CBLB: variants seen among roughly 807,000 people sequenced by gnomAD.
The protein encoded by CBLB is Cbl proto-oncogene B, also known as E3 ubiquitin-protein ligase CBL-B.
Under a neutral mutation model 104.9 loss-of-function variants are expected in CBLB, and 31 were observed. The ratio of observed to expected loss-of-function variants is 0.30; its 90% CI spans 0.22 to 0.40. CBLB has a LOEUF of 0.40. Among genes scored for constraint, CBLB ranks in the 10% least tolerant of loss-of-function variants. The pLI is 1.00. For missense variants in CBLB, 1,062 were observed against 1,214.6 expected (o/e 0.87, Z 1.87); for synonymous variants, 440 against 422.6 (o/e 1.04, Z -0.51).
chr3:105,711,949 A>C (rs958784134), intron 10 of CBLB, among the ~76,000 whole-genome samples: 6 of 152,164 alleles, frequency 3.9e-5, no homozygotes, highest in Non-Finnish European at 5.9e-5. Context: ...ACCAAATGGA[A>C]TAAGAGCTGA....
At chr3:105,767,612 T>C (rs186260443) in intron 4 of CBLB, among the ~76,000 whole-genome samples, 2 of 150,014 alleles carry the variant, frequency 1.3e-5, no homozygotes, top group East Asian at 3.9e-4. Context: ...ACTTCCATCA[T>C]ACAAAGTCAA....
rs1200851467 is a variant in CBLB, at chr3:105,693,554, T to A, written c.1994A>T (p.Tyr665Phe). 6.2e-7 allele frequency: 1 copy of A among 1,612,552 alleles called. No individual in the cohort carries two copies. Among genetic ancestry groups the A allele is most frequent in the Non-Finnish European group, 8.5e-7 (1 of 1,178,792 alleles). Residue 665 changes from tyrosine (Y) to phenylalanine (F), a missense_variant, in exon 13 of 19, where the codon TAT (tyrosine) becomes TTT (phenylalanine). Coordinates refer to ENST00000394030, the MANE Select transcript of CBLB (RefSeq NM_170662.5). Reference sequence around the variant, plus strand: ...AGGAGAAAGCCGGGGAGGAACATCATATTCTTCACTTCCAAGGTGACCATT... The same window carrying A: ...AGGAGAAAGCCGGGGAGGAACATCAAATTCTTCACTTCCAAGGTGACCATT... ...FSNGHLGSEE[Y>F]DVPPRLSPPP...
chr3:105,662,387 A>T (rs901343323), intron 18 of CBLB, among the ~76,000 whole-genome samples: 11 of 152,210 alleles, frequency 7.2e-5, no homozygotes, highest in Admixed American at 2.6e-4. Context: ...AAATTTTATC[A>T]ACCCTGTGGA....
intron 10 of CBLB, among the ~76,000 whole-genome samples, chr3:105,708,157 T>G (rs1000068949): frequency 3.9e-5 from 6 of 152,088 alleles, no homozygotes. Flanking sequence ...TCCACAGTTC[T>G]AATCCCCAGC....
At chr3:105,732,357 A>G (rs1381646240) in intron 9 of CBLB, among the ~76,000 whole-genome samples, 2 of 152,252 alleles carry the variant, frequency 1.3e-5, no homozygotes, top group Non-Finnish European at 2.9e-5. Flanking sequence ...ATAGGAATCA[A>G]GTATCTATGT....
At chr3:105,694,422 T>C (rs1215734913) in intron 12 of CBLB, among the ~76,000 whole-genome samples, 1 of 151,966 alleles carries the variant, frequency 6.6e-6, no homozygotes, top group African/African-American at 2.4e-5. Flanking sequence ...CTATAAGCAA[T>C]CATTAGATTT....
At chr3:105,670,689 TG>T (rs2064975973) in intron 17 of CBLB, 1 of 253,082 alleles carries the variant, frequency 4.0e-6, no homozygotes, top group South Asian at 4.9e-5. Flanking sequence ...GTATAGAAAC[TG>T]TTCTAAAGTA....
At chr3:105,773,102 C>T (rs2079046158) in intron 4 of CBLB, among the ~76,000 whole-genome samples, 1 of 152,168 alleles carries the variant, frequency 6.6e-6, no homozygotes, top group Admixed American at 6.5e-5. Flanking sequence ...TTTATAGCAG[C>T]ATAATTTGCA....
intron 4 of CBLB, among the ~76,000 whole-genome samples, chr3:105,759,173 T>C (rs964196085): frequency 3.0e-4 from 46 of 151,920 alleles, no homozygotes; most frequent in South Asian, 8.3e-4. Flanking sequence ...TCCCAAGGAG[T>C]CAAAGAGACT....
intron 3 of CBLB, among the ~76,000 whole-genome samples, chr3:105,845,120 C>A (rs3862049): frequency 0.98 from 149,300 of 152,188 alleles, 73,306 homozygotes; most frequent in East Asian, 1. Flanking sequence ...AAAACATAAA[C>A]GGTATTCCAC....
intron 3 of CBLB, among the ~76,000 whole-genome samples, chr3:105,779,176 T>A (rs2079838749): frequency 6.6e-6 from 1 of 152,228 alleles, no homozygotes; most frequent in South Asian, 2.1e-4. Flanking sequence ...TTTTTACTTG[T>A]TAGATCTAAA....
rs577497900 is a variant in CBLB at position 105,725,976 on chromosome 3, C to T, written c.1204-5726G>A. On this transcript the variant is annotated intron_variant, in intron 9 of 18. Coordinates refer to ENST00000394030, the MANE Select transcript of CBLB (RefSeq NM_170662.5). ...GCCATTCACCTGTGCCTCAGCCTCC[C>T]AAGCTGCTGGGATTACAGGCTCCCG... Among the ~76,000 whole-genome samples the T allele has an allele frequency of 7.9e-5, 12 of 152,248 alleles. No individual in the cohort carries two copies. In the South Asian group the frequency reaches 2.5e-3, roughly 32 times the overall value.
intron 14 of CBLB, among the ~76,000 whole-genome samples, chr3:105,684,931 G>A (rs1274512446): frequency 6.6e-6 from 1 of 152,180 alleles, no homozygotes; most frequent in Non-Finnish European, 1.5e-5. Flanking sequence ...AAACACCTTG[G>A]TATTTTTTTC....
Position 105,745,748 on chromosome 3 carries a change from T to C in CBLB, c.845+169A>G, listed in dbSNP as rs574293556. On this transcript the variant is annotated intron_variant, in intron 6 of 18. Transcript: ENST00000394030. ...ATACCAAGTTTCAGAGTAAGCACAATGTATCAATTTAAAACATTATGTTAA... is the reference window on the plus strand; with the variant it reads ...ATACCAAGTTTCAGAGTAAGCACAACGTATCAATTTAAAACATTATGTTAA... Among the ~76,000 whole-genome samples, 3 of 152,274 alleles carry C rather than the reference T, an allele frequency of 2.0e-5. No homozygotes were observed. In the East Asian group the frequency reaches 5.8e-4, roughly 29 times the overall value.
At chr3:105,749,411 T>C (rs1352440038) in intron 5 of CBLB, among the ~76,000 whole-genome samples, 2 of 152,198 alleles carry the variant, frequency 1.3e-5, no homozygotes, top group Non-Finnish European at 2.9e-5. Flanking sequence ...AAATAAGATA[T>C]ATATTCCTTA....
At chr3:105,769,274 C>T (rs1424291607) in intron 4 of CBLB, among the ~76,000 whole-genome samples, 1 of 151,912 alleles carries the variant, frequency 6.6e-6, no homozygotes, top group South Asian at 2.1e-4. Flanking sequence ...GCCGAGATGG[C>T]GCCATTGCAC....
intron 4 of CBLB, among the ~76,000 whole-genome samples, chr3:105,754,529 G>GAGAGAA (rs1553767698): frequency 2.4e-5 from 2 of 84,610 alleles, no homozygotes; most frequent in Admixed American, 1.4e-4. Context: ...GAGACAGAGA[G>GAGAGAA]AGAGAGAGAG....
Position 105,792,368 on chromosome 3 carries a change from G to A in CBLB, c.420-15826C>T, listed in dbSNP as rs558593179. On this transcript the variant is annotated intron_variant, in intron 3 of 18. Coordinates refer to ENST00000394030, the MANE Select transcript of CBLB (RefSeq NM_170662.5). ...CCTCCCAAGTGGGGAGGCTGCTAACGTCACTACTGGACTGGAGCATCATTG... is the reference window on the plus strand; with the variant it reads ...CCTCCCAAGTGGGGAGGCTGCTAACATCACTACTGGACTGGAGCATCATTG... 7.9e-5 allele frequency among the ~76,000 whole-genome samples: 12 copies of A among 152,254 alleles called. No individual in the cohort carries two copies. The East Asian group carries it at 9.7e-4, about 12-fold the overall frequency.
At chr3:105,780,694 G>A (rs1291523989) in intron 3 of CBLB, among the ~76,000 whole-genome samples, 2 of 100,670 alleles carry the variant, frequency 2.0e-5, no homozygotes, top group East Asian at 3.2e-4. Flanking sequence ...ATGGAGTCTC[G>A]CTCTGTCACC....
Sources: allele counts gnomAD v4.1 joint callset (sites outside exome capture counted in the v4.1 genomes callset), GRCh38; gene constraint gnomAD v4.1.1; transcripts MANE v1.5; gene names NCBI Gene and HGNC (gene_info 2026-07-23, HGNC 2026-07-21).